The following LRRC7 variants were observed in gnomAD, a reference collection of about 807,000 sequenced individuals.
LRRC7 encodes leucine rich repeat containing 7.
Under a neutral mutation model 175.7 loss-of-function variants are expected in LRRC7, and 23 were observed. The ratio of observed to expected loss-of-function variants is 0.13; its 90% CI spans 0.09 to 0.19. LRRC7 has a LOEUF of 0.19. Among genes scored for constraint, LRRC7 ranks in the 10% least tolerant of loss-of-function variants. The pLI is 1.00. For missense variants in LRRC7, 1,354 were observed against 1,904.7 expected (o/e 0.71, Z 5.38); for synonymous variants, 685 against 680.9 (o/e 1.01, Z -0.09).
intron 9 of LRRC7, among the ~76,000 whole-genome samples, chr1:69,981,718 A>T (rs1383783818): frequency 6.6e-6 from 1 of 152,332 alleles, no homozygotes; most frequent in African/African-American, 2.4e-5. Context: ...CGAGACACTT[A>T]CCAATCCCTG....
chr1:69,666,477 T>C (rs1176394812), intron 1 of LRRC7, among the ~76,000 whole-genome samples: 4 of 152,082 alleles, frequency 2.6e-5, no homozygotes, highest in African/African-American at 4.8e-5. Flanking sequence ...CTTATTATTA[T>C]GGCTTCAATC....
At chr1:70,047,135 G>GACCAAT (rs1420399712) in intron 22 of LRRC7, among the ~76,000 whole-genome samples, 1 of 152,032 alleles carries the variant, frequency 6.6e-6, no homozygotes, top group African/African-American at 2.4e-5. Flanking sequence ...TATAGGGTAA[G>GACCAAT]ACCAATTTTT....
rs894188426 is a variant in LRRC7, at chr1:70,125,923, AC to A, written c.*4038del. On this transcript the variant is annotated 3_prime_UTR_variant, in exon 27 of 27. Transcript: ENST00000651989. The stretch of plus-strand genomic sequence containing the variant: ...TGGTTAGATGAAAGAAACCAAAAAA[AC>A]CATTTTATTTTTAATCATAAAATCT... Among the ~76,000 whole-genome samples, 2 of 151,632 alleles carry A rather than the reference AC, an allele frequency of 1.3e-5. No individual in the cohort carries two copies. Among genetic ancestry groups the A allele is most frequent in the African/African-American group, 2.4e-5 (1 of 41,344 alleles).
At chr1:69,919,257 A>G (rs1274434472) in intron 7 of LRRC7, 3 of 461,452 alleles carry the variant, frequency 6.5e-6, no homozygotes, top group Non-Finnish European at 7.8e-6. Flanking sequence ...TGGTTGTAGT[A>G]CACAAGCAGC....
At chr1:70,120,625 A>T (rs762067867) in intron 26 of LRRC7, among the ~76,000 whole-genome samples, 15 of 152,132 alleles carry the variant, frequency 9.9e-5, no homozygotes, top group Non-Finnish European at 1.5e-4. Context: ...AATATTAATC[A>T]TATTTTAAGA....
chr1:69,689,683 C>T (rs958373329), intron 2 of LRRC7, among the ~76,000 whole-genome samples: 34 of 152,098 alleles, frequency 2.2e-4, no homozygotes, highest in African/African-American at 5.8e-4. Flanking sequence ...GAAAGAATAC[C>T]GTATATGATT....
chr1:69,948,430 G>C (rs1193779710), intron 8 of LRRC7, among the ~76,000 whole-genome samples: 1 of 152,098 alleles, frequency 6.6e-6, no homozygotes, highest in African/African-American at 2.4e-5. Context: ...CACTCCAACT[G>C]TAAAGTAATT....
intron 2 of LRRC7, among the ~76,000 whole-genome samples, chr1:69,700,970 G>GC (rs1282753428): frequency 6.6e-6 from 1 of 151,994 alleles, no homozygotes; most frequent in Non-Finnish European, 1.5e-5. Context: ...ACTGTCCTGC[G>GC]CCCCCTTGTG....
chr1:69,888,720 TA>T (rs143796769), intron 7 of LRRC7, among the ~76,000 whole-genome samples: 10 of 147,488 alleles, frequency 6.8e-5, no homozygotes, highest in South Asian at 2.1e-4. Flanking sequence ...AGGTGGAATC[TA>T]AAAAAAAAAC....
chr1:69,949,496 G>T (rs948618798), intron 8 of LRRC7, among the ~76,000 whole-genome samples: 1 of 152,110 alleles, frequency 6.6e-6, no homozygotes, highest in Admixed American at 6.6e-5. Flanking sequence ...GGCAGAGGTT[G>T]CAGTAAGTGG....
chr1:69,749,474 T>A (rs1035305617), intron 2 of LRRC7, among the ~76,000 whole-genome samples: 1 of 152,184 alleles, frequency 6.6e-6, no homozygotes, highest in Non-Finnish European at 1.5e-5. Flanking sequence ...TCTGTGGATT[T>A]TGTTTAACAA....
At chr1:69,669,088 TTAAGA>T (rs924996765) in intron 1 of LRRC7, among the ~76,000 whole-genome samples, 12 of 152,216 alleles carry the variant, frequency 7.9e-5, no homozygotes, top group African/African-American at 2.4e-4. Context: ...GTCTCTCTAC[TTAAGA>T]TAAGAATAGT....
At chr1:69,980,500 T>C (rs1653310908) in intron 9 of LRRC7, 47 bp downstream of exon 9, 1 of 1,349,330 alleles carries the variant, frequency 7.4e-7, no homozygotes. Flanking sequence ...TTGTTATACG[T>C]TTGTTGTATT....
intron 5 of LRRC7, among the ~76,000 whole-genome samples, chr1:69,828,451 A>G (rs760665358): frequency 2.0e-5 from 3 of 151,728 alleles, no homozygotes; most frequent in Non-Finnish European, 4.4e-5. Flanking sequence ...TCAGTTTTTT[A>G]TTTTTTTCCA....
At chr1:69,800,635 T>G (rs1425812516) in intron 4 of LRRC7, among the ~76,000 whole-genome samples, 1 of 151,986 alleles carries the variant, frequency 6.6e-6, no homozygotes, top group East Asian at 1.9e-4. Flanking sequence ...TAAGCATTTT[T>G]TGAGGAGTCT....
chr1:70,002,072 G>A (rs369160514), intron 11 of LRRC7, among the ~76,000 whole-genome samples: 2 of 152,118 alleles, frequency 1.3e-5, no homozygotes, highest in East Asian at 3.9e-4. Flanking sequence ...GTCATTCAGT[G>A]GGTCCCATAA....
chr1:69,973,150 T>C (rs780997392), intron 8 of LRRC7, among the ~76,000 whole-genome samples: 1 of 151,384 alleles, frequency 6.6e-6, no homozygotes, highest in African/African-American at 2.4e-5. Context: ...TGGATGAGAC[T>C]GGAGACTATT....
At chr1:69,592,300 C>A (rs1430658126) in intron 1 of LRRC7, among the ~76,000 whole-genome samples, 1 of 151,942 alleles carries the variant, frequency 6.6e-6, no homozygotes, top group East Asian at 1.9e-4. Context: ...TCTGCTGATT[C>A]AAAAGAACAT....
intron 1 of LRRC7, among the ~76,000 whole-genome samples, chr1:69,658,979 GA>G (rs1442099312): frequency 1.2e-4 from 18 of 152,024 alleles, no homozygotes; most frequent in Non-Finnish European, 2.6e-4. Context: ...TAGAAAAGGA[GA>G]GGTTACAAGA....
Sources: allele counts gnomAD v4.1 joint callset (sites outside exome capture counted in the v4.1 genomes callset), GRCh38; gene constraint gnomAD v4.1.1; transcripts MANE v1.5; gene names NCBI Gene and HGNC (gene_info 2026-07-23, HGNC 2026-07-21).